Variants in SUZ12 observed in about 807,000 individuals in gnomAD.
The protein encoded by SUZ12 is polycomb protein SUZ12.
Under a neutral mutation model 87.3 loss-of-function variants are expected in SUZ12, and 17 were observed. The observed-to-expected ratio is 0.19, with a 90% CI of 0.13 to 0.29. The LOEUF (loss-of-function observed/expected upper bound fraction) is 0.29, where lower values mean the gene tolerates loss of function less well. Among genes scored for constraint, SUZ12 ranks in the 10% least tolerant of loss-of-function variants. SUZ12 has a pLI of 1.00. For synonymous variants in SUZ12, 253 were observed against 312.4 expected (o/e 0.81, Z 2.01); for missense variants, 526 against 912.2 (o/e 0.58, Z 5.45).
rs773040251 is a variant in SUZ12 at position 31,937,213 on chromosome 17, G to T, written c.-34G>T. 9 of 1,397,992 alleles carry T rather than the reference G, an allele frequency of 6.4e-6. No individual in the cohort carries two copies. The highest frequency in any genetic ancestry group is 8.3e-6 in the Non-Finnish European group (9 of 1,086,982). 86.6% of individuals were successfully genotyped at this position (1,397,992 alleles called of 1,614,324 possible). ...CGCTTGCTCTCCGGGGCCGCCCGGCGGGTAGCTGGCGGGGGGAGGAGGCAG... is the reference window on the plus strand; with the variant it reads ...CGCTTGCTCTCCGGGGCCGCCCGGCTGGTAGCTGGCGGGGGGAGGAGGCAG... On this transcript the variant is annotated 5_prime_UTR_variant, in exon 1 of 16. Coordinates refer to ENST00000322652, the MANE Select transcript of SUZ12 (RefSeq NM_015355.4).
intron 4 of SUZ12, among the ~76,000 whole-genome samples, chr17:31,965,343 C>T (rs914372320): frequency 3.3e-5 from 5 of 152,110 alleles, no homozygotes; most frequent in African/African-American, 1.2e-4. Context: ...GTCTCCTGAT[C>T]AACAACTGTA....
intron 11 of SUZ12, 28 bp downstream of exon 11, chr17:31,993,361 A>G: frequency 7.3e-7 from 1 of 1,365,226 alleles, no homozygotes; most frequent in Non-Finnish European, 1.0e-6. Flanking sequence ...TTCTTAAAGT[A>G]ATTATGAAAT....
chr17:31,993,851 TTAA>T lies in SUZ12; in HGVS notation c.1294-12_1294-10del. On this transcript the variant is annotated splice_polypyrimidine_tract_variant and intron_variant, in intron 11 of 15. Transcript: ENST00000322652. ...TAAATTGGAGATTTGCTTTTTTTTT[TTAA>T]TTGTTTTTAGTTTCTCTATAACAAC... is the stretch of plus-strand genomic sequence containing the variant. 6.3e-7 allele frequency: 1 copy of T among 1,581,464 alleles called. No individual in the cohort carries two copies. Among genetic ancestry groups the T allele is most frequent in the Non-Finnish European group, 8.5e-7 (1 of 1,170,934 alleles).
At chr17:31,970,530 A>G (rs1367810904) in intron 5 of SUZ12, among the ~76,000 whole-genome samples, 3 of 152,058 alleles carry the variant, frequency 2.0e-5, no homozygotes, top group Non-Finnish European at 4.4e-5. Flanking sequence ...CTGGAGATTG[A>G]ATCATGAGAA....
At chr17:31,954,269 G>T (rs1161392294) in intron 4 of SUZ12, among the ~76,000 whole-genome samples, 1 of 151,936 alleles carries the variant, frequency 6.6e-6, no homozygotes, top group Admixed American at 6.6e-5. Flanking sequence ...CACCATATTG[G>T]TCAGGCTGGT....
rs189318224 is a variant in SUZ12 at position 31,965,157 on chromosome 17, T to A, written c.456-990T>A. Among the ~76,000 whole-genome samples the A allele has an allele frequency of 5.6e-3, 856 of 151,564 alleles. 2 individuals carry two copies. The highest frequency in any genetic ancestry group is 9.2e-3 in the Non-Finnish European group (624 of 67,924). On this transcript the variant is annotated intron_variant, in intron 4 of 15. Transcript: ENST00000322652. Reference sequence around the variant, plus strand: ...TTGTCACCATCATTTAAAAAAAAAATATATATATATGCCCTTTACTAGTCC... The same window carrying A: ...TTGTCACCATCATTTAAAAAAAAAAAATATATATATGCCCTTTACTAGTCC...
rs750258197 is a variant in SUZ12, at chr17:31,947,651, G to C, written c.421G>C (p.Val141Leu). Reference sequence around the variant, plus strand: ...TAAAGTTGATGATATGTTATCAAAAGTAGAGAAAATGAAAGGAGAGCAAGA... The same window carrying C: ...TAAAGTTGATGATATGTTATCAAAACTAGAGAAAATGAAAGGAGAGCAAGA... ...TFKVDDMLSK[V>L]EKMKGEQESH... The change falls in exon 4 of 16, where the codon GTA becomes CTA. Residue 141 changes from valine to leucine, a missense_variant. Physicochemically the swap from Val to Leu is conservative, Grantham distance 32. Transcript: ENST00000322652. 3.7e-6 allele frequency: 6 copies of C among 1,605,452 alleles called. No homozygotes were observed. The South Asian group carries it at 6.6e-5, about 18-fold the overall frequency.
chr17:31,958,790 G>C (rs1314352142), intron 4 of SUZ12, among the ~76,000 whole-genome samples: 6 of 152,120 alleles, frequency 3.9e-5, no homozygotes, highest in Non-Finnish European at 8.8e-5. Flanking sequence ...AGGTTGCAGT[G>C]AGCCGAGATT....
At chr17:31,979,141 G>C (rs1288844467) in intron 8 of SUZ12, among the ~76,000 whole-genome samples, 2 of 146,280 alleles carry the variant, frequency 1.4e-5, no homozygotes, top group Admixed American at 1.4e-4. Context: ...CAAAACGATA[G>C]GAAAGTTGAA....
intron 1 of SUZ12, among the ~76,000 whole-genome samples, chr17:31,939,738 C>T (rs1217575260): frequency 2.0e-5 from 3 of 152,054 alleles, no homozygotes; most frequent in Non-Finnish European, 4.4e-5. Flanking sequence ...GTTGGTCAGG[C>T]TGGTCTCGAA....
At position 31,986,759 on chromosome 17, in the gene SUZ12, C is replaced by G. The variant is rs1909442548; in HGVS notation, c.1024-1561C>G. Among the ~76,000 whole-genome samples, 4 of 152,100 alleles carry G rather than the reference C, an allele frequency of 2.6e-5. No individual in the cohort carries two copies. The South Asian group carries it at 8.3e-4, about 32-fold the overall frequency. On this transcript the variant is annotated intron_variant, in intron 9 of 15. Coordinates refer to ENST00000322652, the MANE Select transcript of SUZ12 (RefSeq NM_015355.4). ...TAGAGACGGGGTTTCACCATGTTGT[C>G]CAGGATGGTCTCGAACTCCTGACCT...
intron 1 of SUZ12, among the ~76,000 whole-genome samples, chr17:31,939,494 G>GT (rs1209177206): frequency 6.6e-6 from 1 of 151,152 alleles, no homozygotes; most frequent in Non-Finnish European, 1.5e-5. Context: ...GTATTAGGAT[G>GT]TATTAGGATT....
chr17:31,952,258 C>T (rs1907033484), intron 4 of SUZ12, among the ~76,000 whole-genome samples: 1 of 152,180 alleles, frequency 6.6e-6, no homozygotes, highest in Non-Finnish European at 1.5e-5. Context: ...CAGGATCTTG[C>T]TATGTTGCCC....
At position 31,998,957 on chromosome 17, in the gene SUZ12, A is replaced by G. The variant is rs769183880; in HGVS notation, c.2174A>G (p.Asp725Gly). 2 of 1,603,966 alleles carry G rather than the reference A, an allele frequency of 1.2e-6. No homozygotes were observed. Among genetic ancestry groups the G allele is most frequent in the South Asian group, 2.2e-5 (2 of 88,956 alleles). Reference sequence around the variant, plus strand: ...TCAAAAGAGAAAGCTTTGGAAACAGATAGTGTCTCAGGGGTTTCAAAACAG... The same window carrying G: ...TCAAAAGAGAAAGCTTTGGAAACAGGTAGTGTCTCAGGGGTTTCAAAACAG... ...INSKEKALET[D>G]SVSGVSKQSK... The change falls in exon 16 of 16, where the codon GAT becomes GGT. Residue 725 changes from aspartate to glycine, a missense_variant. Physicochemically the swap from Asp to Gly is moderately conservative, Grantham distance 94. Around this residue, in one of 9 missense-constraint regions of SUZ12, gnomAD observed 56 missense variants for 56.6 expected, o/e 0.99. Transcript: ENST00000322652.
At chr17:31,993,605 GA>G (rs1409785252) in intron 11 of SUZ12, among the ~76,000 whole-genome samples, 1 of 151,972 alleles carries the variant, frequency 6.6e-6, no homozygotes, top group Non-Finnish European at 1.5e-5. Context: ...AGTTTTTGTG[GA>G]GACGAGGTTT....
rs554463913 is a variant in SUZ12 at position 31,963,010 on chromosome 17, T to G, written c.456-3137T>G. ...GCTAATTCTGCTATGTAAGGTAGTA[T>G]TTATGGAACTTCTTCTAGAATAATG... On this transcript the variant is annotated intron_variant, in intron 4 of 15. Transcript: ENST00000322652. Among the ~76,000 whole-genome samples, 11 of 152,388 alleles carry G rather than the reference T, an allele frequency of 7.2e-5. 1 individual carries two copies. The South Asian group carries it at 2.1e-3, about 29-fold the overall frequency.
At chr17:31,951,115 C>T (rs146675190) in intron 4 of SUZ12, among the ~76,000 whole-genome samples, 1 of 152,250 alleles carries the variant, frequency 6.6e-6, no homozygotes, top group Non-Finnish European at 1.5e-5. Flanking sequence ...GACTGGGTCC[C>T]AGATCTGTAC....
intron 9 of SUZ12, among the ~76,000 whole-genome samples, chr17:31,985,661 T>G (rs1268476971): frequency 2.0e-5 from 3 of 151,916 alleles, no homozygotes; most frequent in African/African-American, 7.2e-5. Context: ...TTTTGTTTTT[T>G]TTTTGTTTGT....
chr17:31,969,266 T>C (rs1908275032), intron 5 of SUZ12, among the ~76,000 whole-genome samples: 1 of 152,114 alleles, frequency 6.6e-6, no homozygotes. Flanking sequence ...TGCCTCAGCC[T>C]CCCAGAGTAG....
Sources: allele counts gnomAD v4.1 joint callset (sites outside exome capture counted in the v4.1 genomes callset), GRCh38; gene constraint gnomAD v4.1.1; regional missense constraint gnomAD v4.1.1; transcripts MANE v1.5; gene names NCBI Gene and HGNC (gene_info 2026-07-23, HGNC 2026-07-21).